Variants in CSPP1 observed in about 807,000 individuals in gnomAD.
The protein encoded by CSPP1 is centrosome and spindle pole associated protein 1, also known as centrosome and spindle pole-associated protein 1.
Under a neutral mutation model 164.4 loss-of-function variants are expected in CSPP1, and 126 were observed. The ratio of observed to expected loss-of-function variants is 0.77; its 90% confidence interval spans 0.66 to 0.89. The LOEUF (loss-of-function observed/expected upper bound fraction) is 0.89, where lower values mean the gene tolerates loss of function less well. Among genes scored for constraint, CSPP1 ranks in the 40% least tolerant of loss-of-function variants. The pLI is 0.00. For missense variants in CSPP1, 1,395 were observed against 1,449.8 expected, an observed-to-expected ratio of 0.96 and a Z score of 0.61; for synonymous variants, 472 against 476.7, an observed-to-expected ratio of 0.99 and a Z score of 0.13.
chr8:67,078,852 A>C (rs1417610793), intron 3 of CSPP1, among the ~76,000 whole-genome samples: 2 of 152,080 alleles, frequency 1.3e-5, no homozygotes, highest in Non-Finnish European at 2.9e-5. Flanking sequence ...GCAGGCCTAT[A>C]ATCCTAGCTA....
At chr8:67,146,570 T>C (rs1824610386) in intron 17 of CSPP1, among the ~76,000 whole-genome samples, 1 of 152,140 alleles carries the variant, frequency 6.6e-6, no homozygotes, top group South Asian at 2.1e-4. Context: ...AGTGCTAGGG[T>C]TGGGAATTTT....
chr8:67,100,146 T>C (rs1264613744), intron 7 of CSPP1, among the ~76,000 whole-genome samples: 1 of 152,192 alleles, frequency 6.6e-6, no homozygotes, highest in Non-Finnish European at 1.5e-5. Context: ...ATCTTGTTAA[T>C]GATTTTTTTC....
Position 67,068,766 on chromosome 8 carries a change from G to A in CSPP1, c.-11+4228G>A, listed in dbSNP as rs1002952200. The stretch of plus-strand genomic sequence containing the variant: ...GTTTTTCTGTTGAAGATAAACTATT[G>A]TACAGAATGTCAACATCAGATAAGG... On this transcript the variant is annotated intron_variant, in intron 1 of 30. Transcript: ENST00000678616. Among the ~76,000 whole-genome samples, 8 of 152,140 alleles carry A rather than the reference G, an allele frequency of 5.3e-5. No homozygotes were observed. In the South Asian group the frequency reaches 1.7e-3, roughly 31 times the overall value.
intron 28 of CSPP1, among the ~76,000 whole-genome samples, chr8:67,185,221 G>A (rs951390268): frequency 3.3e-5 from 5 of 152,076 alleles, no homozygotes; most frequent in Non-Finnish European, 7.3e-5. Flanking sequence ...GTTTATCTCC[G>A]TCCACCTTCT....
chr8:67,189,308 G>A (rs938540810), intron 28 of CSPP1, among the ~76,000 whole-genome samples: 5 of 152,104 alleles, frequency 3.3e-5, no homozygotes, highest in Non-Finnish European at 7.4e-5. Context: ...AAAGAAACTG[G>A]CACACAGATA....
intron 29 of CSPP1, among the ~76,000 whole-genome samples, chr8:67,192,272 G>A (rs143606742): frequency 2.6e-5 from 4 of 151,932 alleles, no homozygotes; most frequent in South Asian, 2.1e-4. Context: ...TTGGGGTTTC[G>A]CCATGTTGGC....
chr8:67,150,970 A>G (rs1337652632), intron 18 of CSPP1, among the ~76,000 whole-genome samples: 1 of 152,214 alleles, frequency 6.6e-6, no homozygotes, highest in East Asian at 1.9e-4. Context: ...TTCATTAGGA[A>G]GTTCTAAAAT....
chr8:67,130,218 C>T (rs1186133982), intron 15 of CSPP1, among the ~76,000 whole-genome samples: 1 of 152,104 alleles, frequency 6.6e-6, no homozygotes, highest in East Asian at 1.9e-4. Flanking sequence ...TACTTAATAC[C>T]CCAATTATTT....
At position 67,173,596 on chromosome 8, in the gene CSPP1, T is replaced by C. The variant is rs998518306; in HGVS notation, c.2968+1041T>C. ...GAAGGAAAAATCACTTTAGTCAAAC[T>C]ACCTATATGTAAGTACCATTATCAT... On this transcript the variant is annotated intron_variant, in intron 25 of 30. Transcript: ENST00000678616. 11 of 152,158 alleles carry C rather than the reference T, an allele frequency of 7.2e-5. No homozygotes were observed. In the East Asian group the frequency reaches 2.1e-3, roughly 29 times the overall value. 9.4% of individuals were successfully genotyped at this position (152,158 alleles called of 1,614,324 possible).
At chr8:67,115,852 G>A (rs1034256347) in intron 12 of CSPP1, 62 bp from the exon 13 acceptor site, 29 of 1,308,992 alleles carry the variant, frequency 2.2e-5, no homozygotes, top group Non-Finnish European at 3.0e-5. Flanking sequence ...GTCTTTTGAG[G>A]TCCCTTCCAC....
intron 1 of CSPP1, among the ~76,000 whole-genome samples, chr8:67,070,427 C>T (rs948029094): frequency 1.4e-5 from 2 of 148,034 alleles, no homozygotes; most frequent in African/African-American, 5.0e-5. Flanking sequence ...CGCGCCACTG[C>T]ACTCCAGCCT....
intron 6 of CSPP1, among the ~76,000 whole-genome samples, chr8:67,094,376 C>A (rs186843957): frequency 2.0e-5 from 3 of 148,060 alleles, no homozygotes; most frequent in African/African-American, 7.5e-5. Flanking sequence ...TGGCTTCAGG[C>A]GATTCTCCTG....
In CSPP1 at chr8:67,116,096, C is replaced by G. The variant is rs548142175; in HGVS notation, c.1470C>G (p.Ser490Arg). The G allele has an allele frequency of 6.2e-7, 1 of 1,613,850 alleles. No homozygotes were observed. Among genetic ancestry groups the G allele is most frequent in the Non-Finnish European group, 8.5e-7 (1 of 1,179,780 alleles). ...AAGATTTGCGCAGTGGACTCAGCAGCGCCCTTGGTGAAATGGTGTCTCCCA... is the reference window on the plus strand; with the variant it reads ...AAGATTTGCGCAGTGGACTCAGCAGGGCCCTTGGTGAAATGGTGTCTCCCA... Reference protein sequence around the residue: ...QNEDLRSGLSSALGEMVSPRI... With the variant: ...QNEDLRSGLSRALGEMVSPRI... Residue 490 changes from serine to arginine, a missense_variant, in exon 13 of 31, where the codon AGC becomes AGG. Ser to Arg is a moderately radical substitution (Grantham distance 110, BLOSUM62 -1). Coordinates refer to ENST00000678616, the MANE Select transcript of CSPP1 (RefSeq NM_001382391.1).
In CSPP1 at chr8:67,111,875, T is replaced by C. The variant is rs79308671; in HGVS notation, c.1094-97T>C. The C allele has an allele frequency of 1.3e-3, 808 of 637,814 alleles. 11 individuals carry two copies. In the East Asian group the frequency reaches 0.021, roughly 16 times the overall value. The allele number at this position is 637,814 out of a possible 1,614,324, so 39.5% of individuals were successfully genotyped here. On this transcript the variant is annotated intron_variant, in intron 9 of 30. Transcript: ENST00000678616. ...TGTATTTCTTGCATATTAGTAATTATATGATACAATTAAGATGGAGTTTTT... is the reference window on the plus strand; with the variant it reads ...TGTATTTCTTGCATATTAGTAATTACATGATACAATTAAGATGGAGTTTTT...
chr8:67,118,122 G>T (rs1278557406), intron 13 of CSPP1, 126 bp from the exon 14 acceptor site: 1 of 959,650 alleles, frequency 1.0e-6, no homozygotes. Context: ...ATTGGAGCAA[G>T]ATGGTGACAT....
intron 19 of CSPP1, among the ~76,000 whole-genome samples, chr8:67,157,132 AATG>A (rs1432779103): frequency 1.3e-5 from 2 of 152,148 alleles, no homozygotes; most frequent in African/African-American, 4.8e-5. Context: ...ATGAATTATA[AATG>A]ATGTTTTCTT....
intron 12 of CSPP1, among the ~76,000 whole-genome samples, chr8:67,115,535 G>A (rs1287303903): frequency 6.6e-6 from 1 of 152,092 alleles, no homozygotes; most frequent in East Asian, 1.9e-4. Flanking sequence ...AGCTGTGCGT[G>A]GTGGCAGGTG....
intron 8 of CSPP1, 88 bp downstream of exon 8, chr8:67,103,223 G>C: frequency 1.4e-6 from 1 of 722,476 alleles, no homozygotes; most frequent in Non-Finnish European, 2.3e-6. Flanking sequence ...AAAGTAGAAA[G>C]ATACAGTAAA....
intron 19 of CSPP1, among the ~76,000 whole-genome samples, chr8:67,155,612 A>G (rs1358287675): frequency 2.6e-5 from 4 of 152,116 alleles, no homozygotes; most frequent in African/African-American, 7.2e-5. Flanking sequence ...CCTGGGCAAC[A>G]TGATGAAACC....
Sources: gnomAD v4.1 joint callset for allele counts (sites outside exome capture counted in the v4.1 genomes callset) on GRCh38, gnomAD v4.1.1 for gene constraint, MANE v1.5 for transcripts, NCBI Gene and HGNC (gene_info 2026-07-23, HGNC 2026-07-21) for gene names.